Variants in PROZ observed in about 807,000 individuals in gnomAD.
PROZ encodes protein Z, vitamin K dependent plasma glycoprotein.
PROZ carries 46 observed loss-of-function variants against 34.9 expected under a neutral mutation model. The observed-to-expected ratio is 1.32, with a 90% confidence interval of 1.04 to 1.69. The LOEUF is 1.69. PROZ is among the 40% of genes most tolerant of loss of function. The pLI, the probability that PROZ is intolerant of heterozygous loss-of-function variation, is 0.00. For synonymous variants in PROZ, 195 were observed against 208.5 expected (o/e 0.94, Z 0.56); for missense variants, 530 against 520.4 (o/e 1.02, Z -0.18).
At chr13:113,164,266 C>T (rs568610838) in intron 4 of PROZ, among the ~76,000 whole-genome samples, 4 of 152,236 alleles carry the variant, frequency 2.6e-5, no homozygotes, top group Non-Finnish European at 5.9e-5. Context: ...GCATGAGCCA[C>T]CGCGCCCGGC....
chr13:113,165,089 G>A lies in PROZ; in HGVS notation c.542G>A (p.Arg181His), dbSNP rs777529860. 179 of 1,612,624 alleles carry A rather than the reference G, an allele frequency of 1.1e-4. No homozygotes were observed. The highest frequency in any genetic ancestry group is 1.4e-4 in the Non-Finnish European group (168 of 1,180,010). ...TGCGGGGTGCTGACCTCTGAGAAGC[G>A]TGCACCGGATCTACAGGACCTCCCG... ...CACGVLTSEK[R>H]APDLQDLPWQ... The change falls in exon 6 of 8, where the codon CGT (arginine) becomes CAT (histidine). Residue 181 changes from arginine (R) to histidine (H), a missense_variant. Physicochemically the swap from Arg to His is conservative, Grantham distance 29. Transcript: ENST00000375547.
rs1450490600 is a variant in PROZ at position 113,164,515 on chromosome 13, A to G, written c.376A>G (p.Lys126Glu). The change falls in exon 5 of 8, where the codon AAA (lysine) becomes GAA (glutamate). Residue 126 changes from lysine to glutamate, a missense_variant and splice_region_variant. By Grantham distance (56) the Lys-to-Glu change is moderately conservative. Transcript: ENST00000375547. Reference protein sequence around the residue: ...GYEGSNCELAKNECHPERTDG... With the variant: ...GYEGSNCELAENECHPERTDG... ...CCTTTTTTTTTTTTCCTTTTCAGCT[A>G]AAAATGAATGTCACCCAGAGCGGAC... The G allele has an allele frequency of 6.2e-7, 1 of 1,612,108 alleles. No individual in the cohort carries two copies.
intron 5 of PROZ, 86 bp downstream of exon 5, chr13:113,164,730 GC>G: frequency 6.4e-7 from 1 of 1,572,530 alleles, no homozygotes; most frequent in Non-Finnish European, 8.6e-7. Context: ...ACTGGGTGAA[GC>G]CCGCGGATTT....
In PROZ at chr13:113,165,045, A is replaced by G; in HGVS notation, c.506-8A>G. Reference sequence around the variant, plus strand: ...ATTTTTATTCTCATGTTGCTGCCGCAAATGCAGACCAGTGTGCCTGCGGGG... The same window carrying G: ...ATTTTTATTCTCATGTTGCTGCCGCGAATGCAGACCAGTGTGCCTGCGGGG... On this transcript the variant is annotated splice_region_variant and splice_polypyrimidine_tract_variant and intron_variant, in intron 5 of 7. Transcript: ENST00000375547. The G allele has an allele frequency of 6.2e-7, 1 of 1,613,436 alleles. No homozygotes were observed. Among genetic ancestry groups the G allele is most frequent in the Non-Finnish European group, 8.5e-7 (1 of 1,179,950 alleles).
At chr13:113,162,791 C>A (rs1432194902) in intron 3 of PROZ, among the ~76,000 whole-genome samples, 24 of 147,064 alleles carry the variant, frequency 1.6e-4, no homozygotes, top group Admixed American at 1.3e-3. Context: ...CTGCTCAGGT[C>A]CCCGTCCCTG....
rs543788461 is a variant in PROZ, at chr13:113,164,904, G to C, written c.506-149G>C. ...GTTTAACTCCAGTCTGTGTGTCTGT[G>C]AATTACTGCACATTCATCAGCATTA... is the stretch of plus-strand genomic sequence containing the variant. On this transcript the variant is annotated intron_variant, in intron 5 of 7. Coordinates refer to ENST00000375547, the MANE Select transcript of PROZ (RefSeq NM_003891.3). The C allele has an allele frequency of 5.1e-5, 49 of 964,082 alleles. No homozygotes were observed. The African/African-American group carries it at 7.4e-4, about 15-fold the overall frequency. 59.7% of individuals were successfully genotyped at this position (964,082 alleles called of 1,614,324 possible). A position where few individuals can be genotyped will look rare whatever the true frequency, so the allele number is the denominator to read the frequency against.
At chr13:113,164,404 G>A in intron 4 of PROZ, 109 bp from the exon 5 acceptor site, 2 of 1,287,106 alleles carry the variant, frequency 1.6e-6, no homozygotes, top group South Asian at 1.3e-5. Flanking sequence ...ACTCTTGTGT[G>A]CAAGGCTGTG....
chr13:113,170,318 T>TGGGGGG (rs1235222119), intron 6 of PROZ, 95 bp from the exon 7 acceptor site: 1 of 597,558 alleles, frequency 1.7e-6, no homozygotes, highest in Non-Finnish European at 2.9e-6. Context: ...GGGGTGGGGG[T>TGGGGGG]GGGGGGGTGG....
chr13:113,163,421 G>T (rs2036810550), intron 4 of PROZ, among the ~76,000 whole-genome samples: 1 of 152,132 alleles, frequency 6.6e-6, no homozygotes, highest in Admixed American at 6.5e-5. Flanking sequence ...TCACAGGCTG[G>T]GGGGGTCACA....
At chr13:113,167,037 C>G (rs908928659) in intron 6 of PROZ, among the ~76,000 whole-genome samples, 7 of 152,174 alleles carry the variant, frequency 4.6e-5, no homozygotes, top group African/African-American at 1.7e-4. Context: ...ATAAATTGTT[C>G]TGAAGTTATT....
Position 113,159,892 on chromosome 13 carries a change from GCTGAGAGC to G in PROZ, c.71-118_71-111del. 8.1e-7 allele frequency: 1 copy of G among 1,228,604 alleles called. No individual in the cohort carries two copies. The highest frequency in any genetic ancestry group is 1.2e-6 in the Non-Finnish European group (1 of 834,964). 76.1% of individuals were successfully genotyped at this position (1,228,604 alleles called of 1,614,324 possible). The stretch of plus-strand genomic sequence containing the variant: ...CGGGGTGGCCCTGAGGCCCTCGCAG[GCTGAGAGC>G]CTGTGGAGACGGACGGGGCTGGGGC... On this transcript the variant is annotated intron_variant, in intron 1 of 7. Coordinates refer to ENST00000375547, the MANE Select transcript of PROZ (RefSeq NM_003891.3). This position sits in a 1 kb window ranked among gnomAD's most constrained non-coding sequence, Gnocchi z 4.6.
In PROZ at chr13:113,159,333, G is replaced by A; in HGVS notation, c.70+603G>A. 6.9e-7 allele frequency: 1 copy of A among 1,439,168 alleles called. No homozygotes were observed. Among genetic ancestry groups the A allele is most frequent in the Non-Finnish European group, 9.6e-7 (1 of 1,046,394 alleles). 89.1% of individuals were successfully genotyped at this position (1,439,168 alleles called of 1,614,324 possible). ...CGCTGGCCCCATGGTCTCCCACCCT[G>A]AGAGGGTGATCCCCCCGCCCTGCCC... On this transcript the variant is annotated intron_variant, in intron 1 of 7. Transcript: ENST00000375547. This position sits in a 1 kb window ranked among gnomAD's most constrained non-coding sequence, Gnocchi z 4.6.
chr13:113,159,389 T>G lies in PROZ; in HGVS notation c.71-625T>G. On this transcript the variant is annotated intron_variant, in intron 1 of 7. Transcript: ENST00000375547. This position sits in a 1 kb window ranked among gnomAD's most constrained non-coding sequence, Gnocchi z 4.6. ...AGCACTTACCGTAGCCGGACTTAGC[T>G]GAGCCCCCCCTGCTGTAACCCTCAG... is the stretch of plus-strand genomic sequence containing the variant. The G allele has an allele frequency of 9.8e-7, 1 of 1,016,484 alleles. No individual in the cohort carries two copies. The highest frequency in any genetic ancestry group is 1.5e-6 in the Non-Finnish European group (1 of 683,864). The allele number at this position is 1,016,484 out of a possible 1,614,324, so 63.0% of individuals were successfully genotyped here.
At chr13:113,169,984 A>G (rs989350261) in intron 6 of PROZ, among the ~76,000 whole-genome samples, 65 of 152,056 alleles carry the variant, frequency 4.3e-4, no homozygotes, top group African/African-American at 1.6e-3. Flanking sequence ...TTCTCTCTTC[A>G]ATTTAGGGAG....
At position 113,163,096 on chromosome 13, in the gene PROZ, G is replaced by A; in HGVS notation, c.347G>A (p.Gly116Asp). Residue 116 changes from glycine to aspartate, a missense_variant, in exon 4 of 8, where the codon GGC becomes GAC. By Grantham distance (94) the Gly-to-Asp change is moderately conservative. Coordinates refer to ENST00000375547, the MANE Select transcript of PROZ (RefSeq NM_003891.3). The stretch of plus-strand genomic sequence containing the variant: ...GGCTACACCTGCACCTGCTCCCCCG[G>A]CTATGAGGGCAGCAACTGCGAGCTG... ...IWGYTCTCSP[G>D]YEGSNCELAK... 6.4e-7 allele frequency: 1 copy of A among 1,556,000 alleles called. No individual in the cohort carries two copies. The highest frequency in any genetic ancestry group is 8.7e-7 in the Non-Finnish European group (1 of 1,149,180).
Position 113,159,798 on chromosome 13 carries a change from G to A in PROZ, c.71-216G>A, listed in dbSNP as rs1171862317. 6.6e-6 allele frequency among the ~76,000 whole-genome samples: 1 copy of A among 152,192 alleles called. No homozygotes were observed. Among genetic ancestry groups the A allele is most frequent in the African/African-American group, 2.4e-5 (1 of 41,450 alleles). Reference sequence around the variant, plus strand: ...CTCTCTGCAGAACCTTAGTGTATCCGCACTGATCCTGGGGCTGATCCATTC... The same window carrying A: ...CTCTCTGCAGAACCTTAGTGTATCCACACTGATCCTGGGGCTGATCCATTC... On this transcript the variant is annotated intron_variant, in intron 1 of 7. Coordinates refer to ENST00000375547, the MANE Select transcript of PROZ (RefSeq NM_003891.3). The surrounding 1 kb of genome is among the most constrained non-coding windows in gnomAD (Gnocchi z 4.6).
chr13:113,160,253 G>A, intron 2 of PROZ, 76 bp downstream of exon 2: 1 of 1,537,190 alleles, frequency 6.5e-7, no homozygotes, highest in Non-Finnish European at 9.0e-7. Context: ...TCATTTCTCA[G>A]AGATTAAGCT....
rs1459941752 is a variant in PROZ, at chr13:113,170,528, C to G, written c.689C>G (p.Thr230Arg). 1.3e-6 allele frequency: 2 copies of G among 1,532,404 alleles called. No homozygotes were observed. The allele number at this position is 1,532,404 out of a possible 1,614,324, so 94.9% of individuals were successfully genotyped here. A position where few individuals can be genotyped will look rare whatever the true frequency, so the allele number is the denominator to read the frequency against. The part of the protein sequence containing the change: ...SLLHRNITVK[T>R]YFNRTSQDPL... ...TTACACAGGAATATTACTGTAAAAA[C>G]ATGTAAGTATTTTATCATGAGTTTT... Residue 230 changes from threonine (T) to arginine (R), a missense_variant and splice_region_variant, in exon 7 of 8, where the codon ACA becomes AGA. By Grantham distance (71) the Thr-to-Arg change is moderately conservative (BLOSUM62 -1). Transcript: ENST00000375547.
At chr13:113,164,997 C>T (rs894707741) in intron 5 of PROZ, 56 bp from the exon 6 acceptor site, 15 of 1,520,426 alleles carry the variant, frequency 9.9e-6, no homozygotes, top group South Asian at 6.7e-5. Context: ...AGACAGAGTC[C>T]GATATTCGCT....
Sources: gnomAD v4.1 joint callset for allele counts (sites outside exome capture counted in the v4.1 genomes callset) on GRCh38, gnomAD v4.1.1 for gene constraint, Gnocchi (gnomAD v3.1) non-coding constraint, MANE v1.5 for transcripts, NCBI Gene and HGNC (gene_info 2026-07-23, HGNC 2026-07-21) for gene names.